The following MAD1L1 variants were observed in gnomAD, a reference collection of about 807,000 sequenced individuals.
MAD1L1 encodes the protein mitotic arrest deficient 1 like 1, also known as mitotic spindle assembly checkpoint protein MAD1.
A neutral mutation model predicts 96.9 loss-of-function variants in MAD1L1; 95 were observed. The ratio of observed to expected loss-of-function variants is 0.98; its 90% CI spans 0.83 to 1.16. MAD1L1 has a LOEUF of 1.16. Among genes scored for constraint, MAD1L1 ranks in the 50% most tolerant of loss-of-function variants. The pLI is 0.00. For synonymous variants in MAD1L1, 473 were observed against 396.6 expected (o/e 1.19, Z -2.29); for missense variants, 1,007 against 954.4 (o/e 1.06, Z -0.73).
chr7:2,021,894 C>A (rs1782804002), intron 12 of MAD1L1, among the ~76,000 whole-genome samples: 1 of 152,088 alleles, frequency 6.6e-6, no homozygotes, highest in African/African-American at 2.4e-5. Context: ...AGGTCAGAAA[C>A]TCAGATCTAT....
chr7:1,917,334 T>G (rs559745705), intron 17 of MAD1L1, among the ~76,000 whole-genome samples: 2 of 152,158 alleles, frequency 1.3e-5, no homozygotes, highest in African/African-American at 4.8e-5. Flanking sequence ...AGGAGCCTCA[T>G]GACAGCCTGG....
chr7:1,868,682 C>G lies in MAD1L1; in HGVS notation c.1998+29518G>C, dbSNP rs146344871. 4.6e-3 allele frequency among the ~76,000 whole-genome samples: 700 copies of G among 152,354 alleles called. 8 individuals carry two copies. Among genetic ancestry groups the G allele is most frequent in the African/African-American group, 0.016 (661 of 41,588 alleles). On this transcript the variant is annotated intron_variant, in intron 18 of 18. Transcript: ENST00000265854. The stretch of plus-strand genomic sequence containing the variant: ...CCATGCCGGGTAGGAGTGACACGCA[C>G]TGCGTGTTCACAGCCTTAACCAGAG...
chr7:2,105,137 G>C (rs1365494552), intron 11 of MAD1L1, among the ~76,000 whole-genome samples: 2 of 152,120 alleles, frequency 1.3e-5, no homozygotes, highest in African/African-American at 4.8e-5. Flanking sequence ...CAGCCCGGGA[G>C]AGCCTCACTC....
intron 3 of MAD1L1, among the ~76,000 whole-genome samples, chr7:2,226,906 G>C (rs1409842670): frequency 6.6e-6 from 1 of 151,804 alleles, no homozygotes; most frequent in Non-Finnish European, 1.5e-5. Context: ...AGAATCGCTT[G>C]AACCCAGGAG....
chr7:2,015,830 T>G (rs1425975823), intron 12 of MAD1L1, among the ~76,000 whole-genome samples: 2 of 152,204 alleles, frequency 1.3e-5, no homozygotes, highest in Non-Finnish European at 2.9e-5. Flanking sequence ...GGACGTAGAT[T>G]CAGGGTGGGC....
At chr7:2,009,408 G>A (rs978764941) in intron 13 of MAD1L1, among the ~76,000 whole-genome samples, 2 of 152,140 alleles carry the variant, frequency 1.3e-5, no homozygotes, top group Admixed American at 6.5e-5. Flanking sequence ...CAGCCCCACC[G>A]GTGGTCATGG....
At chr7:1,858,762 T>C (rs560926413) in intron 18 of MAD1L1, among the ~76,000 whole-genome samples, 69 of 152,284 alleles carry the variant, frequency 4.5e-4, no homozygotes, top group Middle Eastern at 3.4e-3. Context: ...TAGGCCACCA[T>C]GGGGTCCCAG....
intron 17 of MAD1L1, among the ~76,000 whole-genome samples, chr7:1,914,074 T>G (rs1289299384): frequency 6.6e-6 from 1 of 152,120 alleles, no homozygotes; most frequent in African/African-American, 2.4e-5. Flanking sequence ...AGGCACCGCG[T>G]CCAGGTCCCA....
intron 14 of MAD1L1, among the ~76,000 whole-genome samples, chr7:2,000,592 G>T (rs149764445): frequency 2.0e-5 from 3 of 152,300 alleles, no homozygotes; most frequent in African/African-American, 7.2e-5. Context: ...TCTGCAGAGC[G>T]GCCCCGGGAG....
At chr7:1,957,928 C>A (rs529180174) in intron 15 of MAD1L1, among the ~76,000 whole-genome samples, 10 of 152,214 alleles carry the variant, frequency 6.6e-5, no homozygotes, top group Non-Finnish European at 4.4e-5. Context: ...GAGTCCGTGG[C>A]GGCCCCTGCT....
chr7:1,900,664 G>C (rs1169796905), intron 17 of MAD1L1, among the ~76,000 whole-genome samples: 1 of 152,204 alleles, frequency 6.6e-6, no homozygotes, highest in Non-Finnish European at 1.5e-5. Flanking sequence ...GAAGAACGCA[G>C]AGACCACATT....
At chr7:2,178,912 A>G (rs1791063830) in intron 10 of MAD1L1, among the ~76,000 whole-genome samples, 1 of 152,006 alleles carries the variant, frequency 6.6e-6, no homozygotes, top group South Asian at 2.1e-4. Context: ...AGAAAAGAAA[A>G]GAAAAACTAC....
At chr7:2,072,453 C>G (rs1354879888) in intron 11 of MAD1L1, among the ~76,000 whole-genome samples, 3 of 152,150 alleles carry the variant, frequency 2.0e-5, no homozygotes, top group Non-Finnish European at 4.4e-5. Flanking sequence ...ACCAAAAACG[C>G]AAGACAAAAT....
chr7:2,048,383 G>A (rs199923089), intron 12 of MAD1L1, among the ~76,000 whole-genome samples: 1 of 152,196 alleles, frequency 6.6e-6, no homozygotes, highest in Non-Finnish European at 1.5e-5. Flanking sequence ...CCAAATCTGA[G>A]CTCAGAATTC....
chr7:2,142,779 G>A lies in MAD1L1; in HGVS notation c.1073+6373C>T, dbSNP rs1789105274. The stretch of plus-strand genomic sequence containing the variant: ...CAGGGGCCCCCTTATGCCGAGAGCA[G>A]GTGGTCAGGTTGAGCATGAGACTTG... On this transcript the variant is annotated intron_variant, in intron 11 of 18. Coordinates refer to ENST00000265854, the MANE Select transcript of MAD1L1 (RefSeq NM_001013836.2). The surrounding 1 kb of genome is among the most constrained non-coding windows in gnomAD (Gnocchi z 4.7). Among the ~76,000 whole-genome samples the A allele has an allele frequency of 6.6e-6, 1 of 152,260 alleles. No individual in the cohort carries two copies. Among genetic ancestry groups the A allele is most frequent in the Non-Finnish European group, 1.5e-5 (1 of 68,040 alleles).
intron 18 of MAD1L1, chr7:1,847,734 T>C: frequency 2.1e-6 from 1 of 469,362 alleles, no homozygotes; most frequent in Middle Eastern, 3.3e-4. Flanking sequence ...TCGGCGTCCC[T>C]GGGCCCGGGA....
rs142953795 is a variant in MAD1L1 at position 2,176,271 on chromosome 7, C to T, written c.987-27033G>A. 3.4e-3 allele frequency among the ~76,000 whole-genome samples: 513 copies of T among 152,310 alleles called. 1 individual carries two copies. Among genetic ancestry groups the T allele is most frequent in the African/African-American group, 0.012 (478 of 41,562 alleles). The stretch of plus-strand genomic sequence containing the variant: ...GCCGAGGCAGGAAAATCACTGGAAC[C>T]TGGGAGGCAGAGGTTTCAGTGAACC... On this transcript the variant is annotated intron_variant, in intron 10 of 18. Coordinates refer to ENST00000265854, the MANE Select transcript of MAD1L1 (RefSeq NM_001013836.2).
At chr7:2,199,042 G>A (rs1336748654) in intron 10 of MAD1L1, among the ~76,000 whole-genome samples, 1 of 152,206 alleles carries the variant, frequency 6.6e-6, no homozygotes, top group Non-Finnish European at 1.5e-5. Flanking sequence ...ATCCAGGAGG[G>A]GGCTGCCCCT....
chr7:1,983,660 C>A (rs1218068833), intron 14 of MAD1L1, among the ~76,000 whole-genome samples: 1 of 152,240 alleles, frequency 6.6e-6, no homozygotes, highest in African/African-American at 2.4e-5. Flanking sequence ...CTTATGTGCA[C>A]AGCCTGATGG....
Sources: allele counts gnomAD v4.1 joint callset (sites outside exome capture counted in the v4.1 genomes callset), GRCh38; gene constraint gnomAD v4.1.1; non-coding constraint Gnocchi (gnomAD v3.1); transcripts MANE v1.5; gene names NCBI Gene and HGNC (gene_info 2026-07-23, HGNC 2026-07-21).